Variants in KCNIP4 observed in about 807,000 individuals in gnomAD.
KCNIP4 encodes Kv channel-interacting protein 4.
Under a neutral mutation model 34.0 loss-of-function variants are expected in KCNIP4, and 12 were observed. The observed-to-expected ratio is 0.35, with a 90% CI of 0.23 to 0.57. The LOEUF (loss-of-function observed/expected upper bound fraction) is 0.57, where lower values mean the gene tolerates loss of function less well. Ranked by LOEUF, KCNIP4 falls within the 20% of genes least tolerant of loss-of-function variation. The probability of loss-of-function intolerance (pLI) is 0.83; values close to 1 mark genes in which losing one functional copy is unlikely to be tolerated. For synonymous variants in KCNIP4, 124 were observed against 102.2 expected (o/e 1.21, Z -1.29); for missense variants, 238 against 311.7 (o/e 0.76, Z 1.78).
At chr4:21,943,886 A>G (rs775718010) in intron 1 of KCNIP4, among the ~76,000 whole-genome samples, 5 of 152,124 alleles carry the variant, frequency 3.3e-5, no homozygotes, top group Admixed American at 1.3e-4. Context: ...GATATAAAAT[A>G]CAGAAAGAAC....
intron 3 of KCNIP4, among the ~76,000 whole-genome samples, chr4:20,780,496 T>A (rs1007244838): frequency 6.6e-6 from 1 of 152,158 alleles, no homozygotes; most frequent in Admixed American, 6.5e-5. Context: ...AGTAATAACA[T>A]GAGACGCCCT....
At chr4:21,690,979 C>T (rs1171786987) in intron 1 of KCNIP4, among the ~76,000 whole-genome samples, 2 of 152,000 alleles carry the variant, frequency 1.3e-5, no homozygotes, top group Non-Finnish European at 2.9e-5. Context: ...TGATAGCAAA[C>T]GATGTGGTAG....
At chr4:21,454,292 A>C (rs1222959212) in intron 1 of KCNIP4, among the ~76,000 whole-genome samples, 1 of 152,154 alleles carries the variant, frequency 6.6e-6, no homozygotes, top group Non-Finnish European at 1.5e-5. Context: ...CTACAGATTT[A>C]GTGGACCCTA....
intron 1 of KCNIP4, among the ~76,000 whole-genome samples, chr4:21,681,899 T>TA (rs1179174196): frequency 6.7e-5 from 10 of 148,728 alleles, no homozygotes; most frequent in African/African-American, 2.5e-4. Flanking sequence ...TATTTATTTA[T>TA]TTTTTTTGAG....
At chr4:20,886,308 A>G (rs189660425) in intron 1 of KCNIP4, among the ~76,000 whole-genome samples, 87 of 152,294 alleles carry the variant, frequency 5.7e-4, no homozygotes, top group Middle Eastern at 3.4e-3. Context: ...TTCCTTCCAT[A>G]GTTCAGGGAG....
rs374174029 is a variant in KCNIP4, at chr4:20,811,908, G to C, written c.288+38635C>G. On this transcript the variant is annotated intron_variant, in intron 3 of 8. Transcript: ENST00000382152. The stretch of plus-strand genomic sequence containing the variant: ...GGCTTGGATGGGCAGGTTGGGGCTG[G>C]ACAGATTTTGCAGAGCTTTAAGAAG... 2.0e-5 allele frequency among the ~76,000 whole-genome samples: 3 copies of C among 152,126 alleles called. No homozygotes were observed. In the East Asian group the frequency reaches 5.8e-4, roughly 29 times the overall value.
Position 21,519,586 on chromosome 4 carries a change from A to ATATACACATGTGTGTATG in KCNIP4, c.61+428984_61+428985insCATACACACATGTGTATA, listed in dbSNP as rs1560480189. Among the ~76,000 whole-genome samples the ATATACACATGTGTGTATG allele has an allele frequency of 9.2e-5, 2 of 21,852 alleles. 1 individual carries two copies. Among genetic ancestry groups the ATATACACATGTGTGTATG allele is most frequent in the East Asian group, 4.4e-3 (2 of 452 alleles). The allele number at this position is 21,852 out of a possible 152,430, so 14.3% of individuals were successfully genotyped here. A position where few individuals can be genotyped will look rare whatever the true frequency, so the allele number is the denominator to read the frequency against. On this transcript the variant is annotated intron_variant, in intron 1 of 8. Coordinates refer to ENST00000382152, the MANE Select transcript of KCNIP4 (RefSeq NM_025221.6). ...TGTATATATACACATATGTGTGTGT[A>ATATACACATGTGTGTATG]TGTATGTGTATATATACACATATGT...
chr4:21,723,372 G>C (rs1180102968), intron 1 of KCNIP4, among the ~76,000 whole-genome samples: 2 of 151,854 alleles, frequency 1.3e-5, no homozygotes, highest in East Asian at 3.9e-4. Context: ...TCCTTTTTTT[G>C]TGTGCAGCAA....
At chr4:20,985,908 A>T (rs1736529137) in intron 1 of KCNIP4, among the ~76,000 whole-genome samples, 1 of 152,204 alleles carries the variant, frequency 6.6e-6, no homozygotes, top group African/African-American at 2.4e-5. Context: ...ACCTGGGTAC[A>T]ATCCTAGCCT....
intron 1 of KCNIP4, among the ~76,000 whole-genome samples, chr4:21,251,784 T>G (rs1760715505): frequency 6.7e-6 from 1 of 150,312 alleles, no homozygotes; most frequent in African/African-American, 2.5e-5. Context: ...ACACCGCATA[T>G]TCTCACTCAT....
At chr4:21,909,445 A>G (rs1171731286) in intron 1 of KCNIP4, among the ~76,000 whole-genome samples, 4 of 152,206 alleles carry the variant, frequency 2.6e-5, no homozygotes, top group Middle Eastern at 3.4e-3. Flanking sequence ...TGAAAAGCCT[A>G]TTTAAGCCTA....
chr4:21,302,459 C>A (rs561036455), intron 1 of KCNIP4, among the ~76,000 whole-genome samples: 3 of 152,298 alleles, frequency 2.0e-5, no homozygotes, highest in East Asian at 1.9e-4. Context: ...AATGGGACAT[C>A]CCAATCACAT....
chr4:21,918,870 G>C (rs981999105), intron 1 of KCNIP4, among the ~76,000 whole-genome samples: 3 of 152,108 alleles, frequency 2.0e-5, no homozygotes, highest in African/African-American at 4.8e-5. Flanking sequence ...ATCTAGCCAC[G>C]CTTCCTTAAG....
chr4:20,912,280 G>A (rs534701619), intron 1 of KCNIP4, among the ~76,000 whole-genome samples: 17 of 152,230 alleles, frequency 1.1e-4, no homozygotes, highest in African/African-American at 3.9e-4. Context: ...GATCTTGTAT[G>A]TAGAAAATCC....
intron 1 of KCNIP4, among the ~76,000 whole-genome samples, chr4:21,332,747 C>A (rs1362210829): frequency 6.6e-6 from 1 of 152,032 alleles, no homozygotes; most frequent in African/African-American, 2.4e-5. Flanking sequence ...ACTGAAACAA[C>A]TTCATATCTG....
chr4:21,039,475 A>G (rs965370232), intron 1 of KCNIP4, among the ~76,000 whole-genome samples: 2 of 152,288 alleles, frequency 1.3e-5, no homozygotes, highest in African/African-American at 2.4e-5. Context: ...CTCCTCTGCA[A>G]GAAACCCTTA....
intron 1 of KCNIP4, among the ~76,000 whole-genome samples, chr4:21,356,659 A>G (rs761414734): frequency 6.6e-5 from 10 of 152,168 alleles, no homozygotes; most frequent in Non-Finnish European, 1.2e-4. Context: ...GCTCAATGAA[A>G]TAAAAGAGGA....
At chr4:21,838,172 T>A (rs547309771) in intron 1 of KCNIP4, among the ~76,000 whole-genome samples, 19 of 152,250 alleles carry the variant, frequency 1.2e-4, no homozygotes, top group Admixed American at 5.2e-4. Flanking sequence ...CCTTTCAGGC[T>A]CCAAAGGGCA....
At position 21,687,215 on chromosome 4, in the gene KCNIP4, T is replaced by G. The variant is rs866196755; in HGVS notation, c.61+261356A>C. 1.9e-4 allele frequency among the ~76,000 whole-genome samples: 27 copies of G among 145,458 alleles called. No individual in the cohort carries two copies. The South Asian group carries it at 3.0e-3, about 16-fold the overall frequency. The stretch of plus-strand genomic sequence containing the variant: ...GGATAGCATTGGGAGATATACCTAA[T>G]GCTAGATGACGCGTTAGTGGGTGCA... On this transcript the variant is annotated intron_variant, in intron 1 of 8. Transcript: ENST00000382152.
Sources: gnomAD v4.1 joint callset for allele counts (sites outside exome capture counted in the v4.1 genomes callset) on GRCh38, gnomAD v4.1.1 for gene constraint, MANE v1.5 for transcripts, NCBI Gene and HGNC (gene_info 2026-07-23, HGNC 2026-07-21) for gene names.